The following SSBP2 variants were observed in gnomAD, a reference collection of about 807,000 sequenced individuals.
SSBP2 encodes the protein single stranded DNA binding protein 2, also known as single-stranded DNA-binding protein 2.
Under a neutral mutation model 61.8 loss-of-function variants are expected in SSBP2, and 17 were observed. The ratio of observed to expected loss-of-function variants is 0.28; its 90% CI spans 0.19 to 0.41. SSBP2 has a LOEUF of 0.41. Among genes scored for constraint, SSBP2 ranks in the 10% least tolerant of loss-of-function variants. The probability of loss-of-function intolerance (pLI) is 1.00; values close to 1 mark genes in which losing one functional copy is unlikely to be tolerated. For synonymous variants in SSBP2, 139 were observed against 141.3 expected (o/e 0.98, Z 0.12); for missense variants, 310 against 458.7 (o/e 0.68, Z 2.96).
chr5:81,569,597 C>G (rs1773691157), intron 4 of SSBP2, among the ~76,000 whole-genome samples: 1 of 152,166 alleles, frequency 6.6e-6, no homozygotes, highest in Non-Finnish European at 1.5e-5. Flanking sequence ...TATCATCATG[C>G]CAAATCTATG....
chr5:81,714,929 GA>G, intron 1 of SSBP2, among the ~76,000 whole-genome samples: 1 of 151,584 alleles, frequency 6.6e-6, no homozygotes, highest in Middle Eastern at 3.4e-3. Flanking sequence ...GAAAGAACTG[GA>G]TTTTTTTTTT....
chr5:81,530,506 GT>G (rs1262615351), intron 4 of SSBP2, among the ~76,000 whole-genome samples: 1 of 147,258 alleles, frequency 6.8e-6, no homozygotes, highest in African/African-American at 2.5e-5. Context: ...AACCCCATTT[GT>G]TTTTTTTTTC....
Position 81,417,438 on chromosome 5 carries a change from C to A in SSBP2, c.*3066G>T, listed in dbSNP as rs1034038212. On this transcript the variant is annotated 3_prime_UTR_variant, in exon 17 of 17. Coordinates refer to ENST00000320672, the MANE Select transcript of SSBP2 (RefSeq NM_012446.5). ...TGCAAAGCAGAGTAACAAGATTTTA[C>A]CTACTGCTTACTTTTTCATTTTACA... The A allele has an allele frequency of 6.6e-6, 1 of 152,150 alleles. No individual in the cohort carries two copies. Among genetic ancestry groups the A allele is most frequent in the Non-Finnish European group, 1.5e-5 (1 of 68,028 alleles). The allele number at this position is 152,150 out of a possible 1,614,324, so 9.4% of individuals were successfully genotyped here. A position where few individuals can be genotyped will look rare whatever the true frequency, so the allele number is the denominator to read the frequency against.
chr5:81,612,398 T>C (rs1052755467), intron 4 of SSBP2, among the ~76,000 whole-genome samples: 4 of 152,132 alleles, frequency 2.6e-5, no homozygotes, highest in East Asian at 3.8e-4. Flanking sequence ...TAATCTGTTT[T>C]AAAGTAACTT....
In SSBP2 at chr5:81,418,346, C is replaced by CT. The variant is rs1761408550; in HGVS notation, c.*2157dup. The stretch of plus-strand genomic sequence containing the variant: ...GCACCTGAATACTGTGTGTGATTAA[C>CT]TGAGGCTCATTTTATGATAGTTTAA... On this transcript the variant is annotated 3_prime_UTR_variant, in exon 17 of 17. Coordinates refer to ENST00000320672, the MANE Select transcript of SSBP2 (RefSeq NM_012446.5). 1.3e-5 allele frequency: 2 copies of CT among 152,242 alleles called. No individual in the cohort carries two copies. The highest frequency in any genetic ancestry group is 4.8e-5 in the African/African-American group (2 of 41,466). 9.4% of individuals were successfully genotyped at this position (152,242 alleles called of 1,614,324 possible).
chr5:81,657,980 G>T (rs1251221947), intron 1 of SSBP2, among the ~76,000 whole-genome samples: 2 of 152,022 alleles, frequency 1.3e-5, no homozygotes, highest in Non-Finnish European at 2.9e-5. Flanking sequence ...CTTGATACAT[G>T]TATATATTGT....
intron 1 of SSBP2, among the ~76,000 whole-genome samples, chr5:81,717,810 A>T (rs555096696): frequency 2.6e-5 from 4 of 152,304 alleles, no homozygotes; most frequent in African/African-American, 9.6e-5. Context: ...ATTTCCTAAG[A>T]AGAGTTTTCT....
intron 4 of SSBP2, among the ~76,000 whole-genome samples, chr5:81,533,794 CT>C (rs1296760862): frequency 6.6e-6 from 1 of 152,080 alleles, no homozygotes; most frequent in Non-Finnish European, 1.5e-5. Context: ...AACTGATTAA[CT>C]GCTGGAGGTT....
At chr5:81,727,142 T>TA (rs2153983491) in intron 1 of SSBP2, among the ~76,000 whole-genome samples, 1 of 152,336 alleles carries the variant, frequency 6.6e-6, no homozygotes, top group Admixed American at 6.5e-5. Flanking sequence ...TTCTGCCACT[T>TA]ACTAGCTAAG....
At chr5:81,565,821 A>G (rs1050781364) in intron 4 of SSBP2, among the ~76,000 whole-genome samples, 1 of 152,228 alleles carries the variant, frequency 6.6e-6, no homozygotes, top group African/African-American at 2.4e-5. Context: ...AGTTTGGTCT[A>G]CTGAGCCTTA....
chr5:81,665,421 C>T (rs1364021358), intron 1 of SSBP2, among the ~76,000 whole-genome samples: 1 of 152,158 alleles, frequency 6.6e-6, no homozygotes, highest in Admixed American at 6.5e-5. Flanking sequence ...CCTTAAATCC[C>T]GGTATCAGTC....
At chr5:81,501,563 C>CTTTTTTTTTTTTTTT (rs71603598) in intron 5 of SSBP2, among the ~76,000 whole-genome samples, 3 of 117,376 alleles carry the variant, frequency 2.6e-5, no homozygotes, top group Non-Finnish European at 3.6e-5. Context: ...TCTTTCTTTT[C>CTTTTTTTTTTTTTTT]TTTTTTTTTT....
chr5:81,551,996 T>A (rs1772230156), intron 4 of SSBP2, among the ~76,000 whole-genome samples: 1 of 152,234 alleles, frequency 6.6e-6, no homozygotes, highest in Non-Finnish European at 1.5e-5. Flanking sequence ...GGTATCAGTG[T>A]ATCAACTCAC....
Position 81,413,528 on chromosome 5 carries a change from A to C in SSBP2, c.*6976T>G, listed in dbSNP as rs913348217. On this transcript the variant is annotated 3_prime_UTR_variant, in exon 17 of 17. Transcript: ENST00000320672. ...TAGTAAGAAAACGTCTTAAATTCGG[A>C]AAATCACAACTAGGTTAATTAAACA... 6.6e-6 allele frequency: 1 copy of C among 152,208 alleles called. No individual in the cohort carries two copies. The highest frequency in any genetic ancestry group is 1.5e-5 in the Non-Finnish European group (1 of 68,008). 9.4% of individuals were successfully genotyped at this position (152,208 alleles called of 1,614,324 possible).
intron 9 of SSBP2, 86 bp downstream of exon 9, chr5:81,466,888 T>C: frequency 1.2e-6 from 1 of 806,882 alleles, no homozygotes; most frequent in Non-Finnish European, 1.8e-6. Flanking sequence ...AATAGAACAC[T>C]TTACTAAATA....
At chr5:81,421,373 T>G (rs926326935) in intron 16 of SSBP2, among the ~76,000 whole-genome samples, 2 of 151,992 alleles carry the variant, frequency 1.3e-5, no homozygotes, top group African/African-American at 4.8e-5. Flanking sequence ...TTGTATTTTT[T>G]GTAGAGATGG....
At chr5:81,426,697 C>A (rs1327231403) in intron 16 of SSBP2, among the ~76,000 whole-genome samples, 1 of 152,228 alleles carries the variant, frequency 6.6e-6, no homozygotes, top group African/African-American at 2.4e-5. Context: ...CCTGGCATAT[C>A]TGAATCTTTG....
At chr5:81,518,914 G>A (rs896393382) in intron 4 of SSBP2, among the ~76,000 whole-genome samples, 1 of 152,036 alleles carries the variant, frequency 6.6e-6, no homozygotes, top group Non-Finnish European at 1.5e-5. Context: ...CATATTGATA[G>A]TTTTCTTAAA....
chr5:81,490,357 TATTTTTC>T (rs1766764873), intron 5 of SSBP2, among the ~76,000 whole-genome samples: 1 of 152,058 alleles, frequency 6.6e-6, no homozygotes, highest in Non-Finnish European at 1.5e-5. Context: ...ATTTTTTATT[TATTTTTC>T]TAGAAACAAC....
Sources: allele counts gnomAD v4.1 joint callset (sites outside exome capture counted in the v4.1 genomes callset), GRCh38; gene constraint gnomAD v4.1.1; transcripts MANE v1.5; gene names NCBI Gene and HGNC (gene_info 2026-07-23, HGNC 2026-07-21).